The following COL24A1 variants were observed in gnomAD, a reference collection of about 807,000 sequenced individuals.
COL24A1 encodes collagen type XXIV alpha 1 chain, also known as collagen alpha-1(XXIV) chain.
A neutral mutation model predicts 253.9 loss-of-function variants in COL24A1; 224 were observed. The ratio of observed to expected loss-of-function variants is 0.88; its 90% confidence interval spans 0.79 to 0.99. The LOEUF (loss-of-function observed/expected upper bound fraction) is 0.99. COL24A1 is among the 50% of genes least tolerant of loss of function. The pLI is 0.00. For missense variants in COL24A1, 2,131 were observed against 2,068.5 expected (o/e 1.03, Z -0.59); for synonymous variants, 685 against 673.7 (o/e 1.02, Z -0.26).
intron 39 of COL24A1, among the ~76,000 whole-genome samples, 173 bp downstream of exon 39, chr1:85,847,492 C>T (rs781032911): frequency 3.9e-5 from 6 of 152,070 alleles, no homozygotes; most frequent in African/African-American, 1.2e-4. Context: ...ACCACTAAGC[C>T]GTTTAAGTAC....
chr1:85,925,461 T>G (rs539513323), intron 24 of COL24A1, among the ~76,000 whole-genome samples: 137 of 151,968 alleles, frequency 9.0e-4, no homozygotes, highest in African/African-American at 2.3e-3. Context: ...CATGGTACTG[T>G]TACCAAAACA....
chr1:85,949,843 G>C (rs1197608303), intron 24 of COL24A1, among the ~76,000 whole-genome samples: 1 of 152,070 alleles, frequency 6.6e-6, no homozygotes, highest in African/African-American at 2.4e-5. Flanking sequence ...CATATATACA[G>C]GGTTCCTCAT....
At chr1:85,963,194 T>C (rs1691234717) in intron 23 of COL24A1, among the ~76,000 whole-genome samples, 1 of 152,160 alleles carries the variant, frequency 6.6e-6, no homozygotes, top group African/African-American at 2.4e-5. Context: ...AAATAAACTT[T>C]CAAAGTCTAC....
At chr1:85,960,471 T>C (rs1690918255) in intron 24 of COL24A1, among the ~76,000 whole-genome samples, 2 of 152,146 alleles carry the variant, frequency 1.3e-5, no homozygotes, top group African/African-American at 2.4e-5. Context: ...CAAACTTTAT[T>C]TGAGGAACAC....
chr1:86,035,567 G>T (rs1698932846), intron 12 of COL24A1, among the ~76,000 whole-genome samples: 1 of 152,108 alleles, frequency 6.6e-6, no homozygotes, highest in South Asian at 2.1e-4. Context: ...TACGGCTGGT[G>T]ATGTGGGGGA....
chr1:85,946,421 C>G (rs550963745), intron 24 of COL24A1, among the ~76,000 whole-genome samples: 6 of 152,128 alleles, frequency 3.9e-5, no homozygotes, highest in African/African-American at 1.4e-4. Flanking sequence ...GTGAGTCTTA[C>G]TAGTCAATAA....
Position 85,875,303 on chromosome 1 carries a change from C to A in COL24A1, c.3058G>T (p.Gly1020Cys), listed in dbSNP as rs1160325082. 5 of 1,613,664 alleles carry A rather than the reference C, an allele frequency of 3.1e-6. No individual in the cohort carries two copies. Among genetic ancestry groups the A allele is most frequent in the Non-Finnish European group, 3.4e-6 (4 of 1,179,846 alleles). The change falls in exon 34 of 60, where the codon GGT (glycine) becomes TGT (cysteine). Residue 1020 changes from glycine to cysteine, a missense_variant. By Grantham distance (159) the Gly-to-Cys change is radical. Transcript: ENST00000370571. ...EGPPGTEGES[G>C]LQGEPGAKGD... The stretch of plus-strand genomic sequence containing the variant: ...TTTGCACCTGGTTCACCTTGCAGAC[C>A]AGACTCTCCCTCAGTGCCTGGAGGT...
chr1:86,113,762 GA>G (rs1381609282), intron 4 of COL24A1, among the ~76,000 whole-genome samples: 1 of 137,804 alleles, frequency 7.3e-6, no homozygotes, highest in Non-Finnish European at 1.5e-5. Flanking sequence ...TTCAGCCCTG[GA>G]GATCAAGGCT....
At chr1:86,014,365 G>A (rs1696805299) in intron 19 of COL24A1, among the ~76,000 whole-genome samples, 1 of 152,006 alleles carries the variant, frequency 6.6e-6, no homozygotes, top group Non-Finnish European at 1.5e-5. Flanking sequence ...GACTTCTAGG[G>A]GTGAGTTTCC....
intron 37 of COL24A1, among the ~76,000 whole-genome samples, chr1:85,854,975 T>C (rs1678262834): frequency 6.6e-6 from 1 of 152,170 alleles, no homozygotes; most frequent in Non-Finnish European, 1.5e-5. Flanking sequence ...TATTCCTAGG[T>C]ATTTTATTCT....
At chr1:86,024,881 T>C (rs1697878781) in intron 14 of COL24A1, among the ~76,000 whole-genome samples, 1 of 152,186 alleles carries the variant, frequency 6.6e-6, no homozygotes, top group Non-Finnish European at 1.5e-5. Flanking sequence ...ATAGATAAAA[T>C]AATATTCTTA....
intron 24 of COL24A1, among the ~76,000 whole-genome samples, chr1:85,960,529 A>G (rs1456185113): frequency 6.6e-6 from 1 of 152,138 alleles, no homozygotes; most frequent in African/African-American, 2.4e-5. Context: ...CAACTTTTCA[A>G]ACCTAAAGAA....
chr1:85,873,085 T>G (rs566729642), intron 35 of COL24A1, among the ~76,000 whole-genome samples: 2 of 152,088 alleles, frequency 1.3e-5, no homozygotes, highest in African/African-American at 4.8e-5. Context: ...CATGAAAAAA[T>G]GCTCATCATC....
rs1702370628 is a variant in COL24A1, at chr1:86,077,932, T to C, written c.1707+11242A>G. On this transcript the variant is annotated intron_variant, in intron 7 of 59. Transcript: ENST00000370571. ...AACCACTATGGCACGTGTATACCTATGTAACAAACCTGCACATTCTGCACA... is the reference window on the plus strand; with the variant it reads ...AACCACTATGGCACGTGTATACCTACGTAACAAACCTGCACATTCTGCACA... Among the ~76,000 whole-genome samples, 3 of 152,036 alleles carry C rather than the reference T, an allele frequency of 2.0e-5. No homozygotes were observed. In the South Asian group the frequency reaches 6.2e-4, roughly 32 times the overall value.
chr1:86,105,000 C>T (rs1339697698), intron 5 of COL24A1, among the ~76,000 whole-genome samples: 1 of 152,198 alleles, frequency 6.6e-6, no homozygotes, highest in African/African-American at 2.4e-5. Context: ...AGGGACGAGG[C>T]ACTGGCAGGT....
Position 85,799,214 on chromosome 1 carries a change from AG to A in COL24A1, c.3952-12754del, listed in dbSNP as rs1347649306. Among the ~76,000 whole-genome samples the A allele has an allele frequency of 6.8e-3, 398 of 58,374 alleles. 6 individuals are homozygous for A. The highest frequency in any genetic ancestry group is 0.015 in the African/African-American group (331 of 22,190). 38.3% of individuals were successfully genotyped at this position (58,374 alleles called of 152,430 possible). On this transcript the variant is annotated intron_variant, in intron 47 of 59. Coordinates refer to ENST00000370571, the MANE Select transcript of COL24A1 (RefSeq NM_152890.7). ...TTCTTTAATTCCTTGGCCACATAAAAGAAAGAAAGAAAGAAAGAAAGAAAGA... is the reference window on the plus strand; with the variant it reads ...TTCTTTAATTCCTTGGCCACATAAAAAAAGAAAGAAAGAAAGAAAGAAAGA...
chr1:85,774,682 T>C (rs1242669504), intron 53 of COL24A1, among the ~76,000 whole-genome samples: 1 of 152,112 alleles, frequency 6.6e-6, no homozygotes, highest in Non-Finnish European at 1.5e-5. Context: ...GTATTCTCTG[T>C]TAGTGGTTTG....
At chr1:86,105,950 T>C (rs1343733066) in intron 5 of COL24A1, among the ~76,000 whole-genome samples, 1 of 152,192 alleles carries the variant, frequency 6.6e-6, no homozygotes, top group Non-Finnish European at 1.5e-5. Flanking sequence ...GTCTTCCCTC[T>C]GTCCACTCTC....
rs1249213420 is a variant in COL24A1, at chr1:85,826,863, A to G, written c.3682-3125T>C. Among the ~76,000 whole-genome samples the G allele has an allele frequency of 3.9e-5, 6 of 152,330 alleles. No individual in the cohort carries two copies. In the East Asian group the frequency reaches 1.2e-3, roughly 29 times the overall value. On this transcript the variant is annotated intron_variant, in intron 43 of 59. Coordinates refer to ENST00000370571, the MANE Select transcript of COL24A1 (RefSeq NM_152890.7). ...AGTTTTCTAGATATACAATCATGGC[A>G]TCTGCAAAGAGGGACAATTTGACTT...
Sources: gnomAD v4.1 joint callset for allele counts (sites outside exome capture counted in the v4.1 genomes callset) on GRCh38, gnomAD v4.1.1 for gene constraint, MANE v1.5 for transcripts, NCBI Gene and HGNC (gene_info 2026-07-23, HGNC 2026-07-21) for gene names.